The following ADSL variants were observed in gnomAD, a reference collection of about 807,000 sequenced individuals.
ADSL encodes the protein adenylosuccinate lyase.
A neutral mutation model predicts 62.1 loss-of-function variants in ADSL; 44 were observed. The ratio of observed to expected loss-of-function variants is 0.71; its 90% CI spans 0.56 to 0.91. ADSL has a LOEUF of 0.91. ADSL is among the 40% of genes least tolerant of loss of function. The pLI is 0.00. For missense variants in ADSL, 531 were observed against 627.4 expected (o/e 0.85, Z 1.64); for synonymous variants, 198 against 220.5 (o/e 0.90, Z 0.90).
rs764210890 is a variant in ADSL, at chr22:40,348,950, T to C, written c.154-882T>C. ...GAATGTAAGACATCAATGTGTTTAT[T>C]TTCTCATCAATATCTCCTGGAATTG... is the stretch of plus-strand genomic sequence containing the variant. On this transcript the variant is annotated intron_variant, in intron 1 of 12. Transcript: ENST00000623063. 6.5e-5 allele frequency: 13 copies of C among 201,116 alleles called. 1 individual carries two copies. Among genetic ancestry groups the C allele is most frequent in the Middle Eastern group, 1.9e-3 (1 of 540 alleles). 12.5% of individuals were successfully genotyped at this position (201,116 alleles called of 1,614,324 possible).
chr22:40,381,831 A>G (rs2047628873), intron 2 of ADSL, among the ~76,000 whole-genome samples: 1 of 152,158 alleles, frequency 6.6e-6, no homozygotes, highest in Non-Finnish European at 1.5e-5. Flanking sequence ...ATGGTGGTAT[A>G]TGCCTTAGTC....
chr22:40,364,897 C>CA lies in ADSL; in HGVS notation c.1210dup (p.Arg404LysfsTer12). 1 of 1,614,194 alleles carries CA rather than the reference C, an allele frequency of 6.2e-7. No individual in the cohort carries two copies. Among genetic ancestry groups the CA allele is most frequent in the South Asian group, 1.1e-5 (1 of 91,074 alleles). ...CTTCCCAGGATTGCCATGAGAAAATCAGAGTGCTTTCTCAGCAGGCAGCTT... is the reference window on the plus strand; with the variant it reads ...CTTCCCAGGATTGCCATGAGAAAATCAAGAGTGCTTTCTCAGCAGGCAGCTT... On this transcript the variant is annotated frameshift_variant, in exon 12 of 13. Coordinates refer to ENST00000623063, the MANE Select transcript of ADSL (RefSeq NM_000026.4). LOFTEE classifies it high-confidence loss of function.
chr22:40,387,405 A>G, intron 2 of ADSL: 1 of 387,080 alleles, frequency 2.6e-6, no homozygotes, highest in Non-Finnish European at 4.6e-6. Flanking sequence ...TGATGTAAAG[A>G]TGAGATAGTT....
rs2044668662 is a variant in ADSL, at chr22:40,358,994, C to G, written c.613C>G (p.Gln205Glu). The change falls in exon 5 of 13, where the codon CAG (glutamine) becomes GAG (glutamate). Residue 205 changes from glutamine (Q) to glutamate (E), a missense_variant. By Grantham distance (29) the Gln-to-Glu change is conservative (BLOSUM62 2). This residue lies in a region of ADSL where 471 missense variants were observed against 592.9 expected (regional missense o/e 0.79). Transcript: ENST00000623063. ...FRGVKGTTGTQASFLQLFEGD... is the reference protein window; with the variant it reads ...FRGVKGTTGTEASFLQLFEGD... ...GGGAGTAAAGGGTACCACTGGCACT[C>G]AGGCCAGTTTCCTGCAGCTCTTTGA... 6.2e-7 allele frequency: 1 copy of G among 1,614,066 alleles called. No individual in the cohort carries two copies. The highest frequency in any genetic ancestry group is 1.3e-5 in the African/African-American group (1 of 74,928).
At position 40,346,695 on chromosome 22, in the gene ADSL, T is replaced by A. The variant is rs1233609498; in HGVS notation, c.137T>A (p.Leu46Gln). ...FRTWRQLWLW[L>Q]AEAEQTLGLP... ...ACATGGCGGCAGCTGTGGCTGTGGC[T>A]GGCGGAGGCCGAGCAGGTAACGGAT... The change falls in exon 1 of 13, where the codon CTG becomes CAG. Residue 46 changes from leucine to glutamine, a missense_variant. Around this residue, in one of 2 missense-constraint regions of ADSL, gnomAD observed 471 missense variants for 592.9 expected, o/e 0.79. Coordinates refer to ENST00000623063, the MANE Select transcript of ADSL (RefSeq NM_000026.4). The A allele has an allele frequency of 6.2e-7, 1 of 1,608,754 alleles. No homozygotes were observed. Among genetic ancestry groups the A allele is most frequent in the Admixed American group, 1.7e-5 (1 of 59,734 alleles).
At chr22:40,350,736 G>T (rs1384580606) in intron 2 of ADSL, among the ~76,000 whole-genome samples, 1 of 150,742 alleles carries the variant, frequency 6.6e-6, no homozygotes, top group Non-Finnish European at 1.5e-5. Flanking sequence ...CCTGTGTCTC[G>T]GCCTCCCCAG....
downstream of ADSL, among the ~76,000 whole-genome samples, chr22:40,372,016 C>T: frequency 6.7e-6 from 1 of 149,720 alleles, no homozygotes; most frequent in Non-Finnish European, 1.5e-5. Context: ...ATTTGTAATT[C>T]TATAGATATC....
intron 2 of ADSL, among the ~76,000 whole-genome samples, chr22:40,352,485 G>T (rs1305348168): frequency 2.6e-5 from 4 of 151,980 alleles, no homozygotes; most frequent in Admixed American, 2.6e-4. Context: ...CTGAGATCGC[G>T]CCACTGCACT....
chr22:40,354,310 A>G lies in ADSL; in HGVS notation c.465A>G (p.Leu155=), dbSNP rs139543370. ...FAKERASLPT[L]GFTHFQPAQL... is the part of the protein sequence containing the mutation. ...AGGAACGAGCCAGTCTACCCACATT[A>G]GGTTTCACACATTTCCAGTAAGTGA... is the stretch of plus-strand genomic sequence containing the variant. The change falls in exon 4 of 13, where the codon TTA becomes TTG. Residue 155 remains leucine (L), a synonymous_variant. Coordinates refer to ENST00000623063, the MANE Select transcript of ADSL (RefSeq NM_000026.4). The G allele has an allele frequency of 6.2e-7, 1 of 1,613,984 alleles. No homozygotes were observed. The highest frequency in any genetic ancestry group is 1.3e-5 in the African/African-American group (1 of 74,932).
intron 4 of ADSL, among the ~76,000 whole-genome samples, chr22:40,355,207 G>T (rs1159065821): frequency 1.3e-5 from 2 of 152,100 alleles, no homozygotes; most frequent in African/African-American, 4.8e-5. Context: ...TGTGATTTTG[G>T]CTCACTCTCA....
In ADSL at chr22:40,354,303, C is replaced by G; in HGVS notation, c.458C>G (p.Pro153Arg). 1 of 1,614,116 alleles carries G rather than the reference C, an allele frequency of 6.2e-7. No individual in the cohort carries two copies. Among genetic ancestry groups the G allele is most frequent in the Non-Finnish European group, 8.5e-7 (1 of 1,179,982 alleles). ...TTTGCTAAGGAACGAGCCAGTCTAC[C>G]CACATTAGGTTTCACACATTTCCAG... ...ADFAKERASL[P>R]TLGFTHFQPA... Residue 153 changes from proline (P) to arginine (R), a missense_variant, in exon 4 of 13, where the codon CCC becomes CGC. Pro to Arg is a moderately radical substitution (Grantham distance 103, BLOSUM62 -2). This residue lies in a region of ADSL where 471 missense variants were observed against 592.9 expected (regional missense o/e 0.79). Transcript: ENST00000623063.
chr22:40,346,973 C>G (rs1366935513), intron 1 of ADSL, among the ~76,000 whole-genome samples: 1 of 152,232 alleles, frequency 6.6e-6, no homozygotes, highest in Non-Finnish European at 1.5e-5. Flanking sequence ...CCTGTAGTTT[C>G]AGGGAATTCA....
chr22:40,372,140 T>C (rs1262263684), downstream of ADSL, among the ~76,000 whole-genome samples: 1 of 138,740 alleles, frequency 7.2e-6, no homozygotes. Context: ...TTTTTTTTTT[T>C]TTTTGAGACG....
chr22:40,386,821 G>GT (rs2048539892), intron 2 of ADSL, among the ~76,000 whole-genome samples: 1 of 151,922 alleles, frequency 6.6e-6, no homozygotes, highest in African/African-American at 2.4e-5. Context: ...CTGCACCCCA[G>GT]TACTAAAGAA....
chr22:40,363,820 C>T (rs568856480), intron 10 of ADSL, among the ~76,000 whole-genome samples: 32 of 151,846 alleles, frequency 2.1e-4, no homozygotes, highest in Admixed American at 7.9e-4. Flanking sequence ...TCTGACAGGG[C>T]GCGGTGGCTT....
At chr22:40,359,098 C>T in intron 5 of ADSL, 63 bp downstream of exon 5, 2 of 1,604,578 alleles carry the variant, frequency 1.2e-6, no homozygotes, top group Non-Finnish European at 1.7e-6. Context: ...GACAAGGCTG[C>T]CTTTGAGGAT....
chr22:40,373,229 G>A (rs1049941090), downstream of ADSL: 1 of 152,170 alleles, frequency 6.6e-6, no homozygotes, highest in East Asian at 1.9e-4. Context: ...TGTCTGTGCT[G>A]TACTACCTTA....
intron 1 of ADSL, among the ~76,000 whole-genome samples, chr22:40,349,111 A>T (rs887249962): frequency 2.0e-5 from 3 of 152,318 alleles, no homozygotes; most frequent in Admixed American, 6.5e-5. Context: ...GCAATAAATA[A>T]AACAAAGCTC....
chr22:40,348,337 A>G (rs2044219444), intron 1 of ADSL: 3 of 397,430 alleles, frequency 7.5e-6, no homozygotes, highest in Admixed American at 4.4e-5. Context: ...GCTGCCGAGT[A>G]CTTGAAATGC....
Sources: gnomAD v4.1 joint callset for allele counts (sites outside exome capture counted in the v4.1 genomes callset) on GRCh38, gnomAD v4.1.1 for gene constraint, gnomAD v4.1.1 regional missense constraint, MANE v1.5 for transcripts, NCBI Gene and HGNC (gene_info 2026-07-23, HGNC 2026-07-21) for gene names.